The following DNM3 variants were observed in gnomAD, a reference collection of about 807,000 sequenced individuals.
DNM3 encodes the protein dynamin 3.
In DNM3, 47 loss-of-function variants were observed where a neutral mutation model predicts 101.6. The observed-to-expected ratio is 0.46, with a 90% CI of 0.37 to 0.59. The LOEUF (loss-of-function observed/expected upper bound fraction) is 0.59. Among genes scored for constraint, DNM3 ranks in the 20% least tolerant of loss-of-function variants. DNM3 has a pLI of 0.00. For synonymous variants in DNM3, 385 were observed against 387.9 expected (o/e 0.99, Z 0.09); for missense variants, 849 against 1,085.7 (o/e 0.78, Z 3.06).
chr1:172,166,207 A>G (rs1038422049), intron 14 of DNM3, among the ~76,000 whole-genome samples: 7 of 152,182 alleles, frequency 4.6e-5, no homozygotes, highest in East Asian at 1.9e-4. Flanking sequence ...GAAATGCTCA[A>G]TATATGTGTG....
chr1:172,298,699 A>T (rs566027971), intron 15 of DNM3, among the ~76,000 whole-genome samples: 26 of 152,180 alleles, frequency 1.7e-4, no homozygotes, highest in Admixed American at 8.5e-4. Context: ...ATCTTCCCGG[A>T]ATCCCCAGGG....
intron 15 of DNM3, among the ~76,000 whole-genome samples, chr1:172,274,447 G>A (rs539953755): frequency 2.6e-5 from 4 of 152,086 alleles, no homozygotes; most frequent in Non-Finnish European, 5.9e-5. Context: ...TTCTGCCCCA[G>A]AGGGAAAGGA....
At chr1:172,096,532 G>A (rs528875101) in intron 13 of DNM3, among the ~76,000 whole-genome samples, 21 of 152,272 alleles carry the variant, frequency 1.4e-4, no homozygotes, top group Admixed American at 9.8e-4. Context: ...ATTGGATGTC[G>A]GAGAGAGGGC....
chr1:172,407,339 G>A (rs1199263528), intron 20 of DNM3, among the ~76,000 whole-genome samples: 1 of 151,964 alleles, frequency 6.6e-6, no homozygotes, highest in African/African-American at 2.4e-5. Context: ...AAAAGGCAAT[G>A]AGAAGTGATA....
intron 13 of DNM3, among the ~76,000 whole-genome samples, chr1:172,097,397 C>CAA (rs199982004): frequency 6.8e-5 from 9 of 132,922 alleles, no homozygotes; most frequent in Middle Eastern, 3.9e-3. Flanking sequence ...AAGACTGTCT[C>CAA]AAAAAAAAAA....
At chr1:171,995,533 G>A (rs960533419) in intron 4 of DNM3, among the ~76,000 whole-genome samples, 1 of 151,922 alleles carries the variant, frequency 6.6e-6, no homozygotes, top group Admixed American at 6.6e-5. Flanking sequence ...CTGCCTTTAT[G>A]GAGAAGTGGC....
At chr1:172,261,276 G>C (rs776324280) in intron 15 of DNM3, among the ~76,000 whole-genome samples, 14 of 152,144 alleles carry the variant, frequency 9.2e-5, no homozygotes, top group Non-Finnish European at 1.3e-4. Flanking sequence ...TTTTGAAAAG[G>C]AGAACTCTTT....
intron 17 of DNM3, among the ~76,000 whole-genome samples, chr1:172,327,029 A>C (rs1405854501): frequency 1.3e-5 from 2 of 152,188 alleles, no homozygotes; most frequent in East Asian, 1.9e-4. Context: ...TAAAGGAGAA[A>C]TAGAACAGAA....
At chr1:172,384,003 A>C (rs1242011414) in intron 18 of DNM3, among the ~76,000 whole-genome samples, 1 of 152,216 alleles carries the variant, frequency 6.6e-6, no homozygotes, top group African/African-American at 2.4e-5. Context: ...ATCATCTAAA[A>C]GGGATTCACT....
intron 16 of DNM3, 29 bp from the exon 17 acceptor site, chr1:172,323,300 C>A: frequency 6.3e-7 from 1 of 1,580,750 alleles, no homozygotes; most frequent in Non-Finnish European, 8.6e-7. Flanking sequence ...ACATATTTCT[C>A]TTTCTTTTCC....
At chr1:171,848,599 ATGT>A (rs2032518390) in intron 1 of DNM3, among the ~76,000 whole-genome samples, 2 of 152,336 alleles carry the variant, frequency 1.3e-5, no homozygotes, top group Admixed American at 1.3e-4. Context: ...CTAAATGGAA[ATGT>A]TATTATTTAA....
intron 8 of DNM3, 85 bp from the exon 9 acceptor site, chr1:172,044,300 G>A: frequency 8.6e-7 from 1 of 1,163,878 alleles, no homozygotes; most frequent in Non-Finnish European, 1.2e-6. Context: ...TAATAATGAA[G>A]TCAAGTTATT....
At chr1:172,196,380 G>T (rs1013838130) in intron 14 of DNM3, among the ~76,000 whole-genome samples, 8 of 151,978 alleles carry the variant, frequency 5.3e-5, no homozygotes, top group African/African-American at 1.9e-4. Flanking sequence ...GAGTGCATGT[G>T]TCTTTATGGT....
At chr1:172,003,975 C>A (rs376070236) in intron 4 of DNM3, among the ~76,000 whole-genome samples, 3 of 151,998 alleles carry the variant, frequency 2.0e-5, no homozygotes, top group East Asian at 3.9e-4. Context: ...ATTCCCAAAA[C>A]CACTCAGCAG....
intron 11 of DNM3, among the ~76,000 whole-genome samples, chr1:172,072,254 A>T (rs2052255612): frequency 6.6e-6 from 1 of 152,192 alleles, no homozygotes; most frequent in Non-Finnish European, 1.5e-5. Context: ...CTAATCCAAT[A>T]ATGATCACGC....
intron 1 of DNM3, among the ~76,000 whole-genome samples, chr1:171,900,309 G>C (rs990443413): frequency 1.3e-5 from 2 of 152,136 alleles, no homozygotes; most frequent in Non-Finnish European, 2.9e-5. Context: ...GATTGGGGCT[G>C]CAGATTCACG....
downstream of DNM3, among the ~76,000 whole-genome samples, chr1:172,417,380 T>A (rs563381978): frequency 8.5e-5 from 13 of 152,336 alleles, no homozygotes; most frequent in Admixed American, 8.5e-4. Context: ...CTGTATTTTC[T>A]CTAGCTGCAA....
At chr1:171,871,864 G>A (rs201693070) in intron 1 of DNM3, among the ~76,000 whole-genome samples, 2 of 136,448 alleles carry the variant, frequency 1.5e-5, no homozygotes, top group African/African-American at 5.3e-5. Context: ...TTGTTGTCTT[G>A]TTTTTTTTTT....
intron 17 of DNM3, among the ~76,000 whole-genome samples, chr1:172,373,470 C>G (rs1195487359): frequency 6.6e-6 from 1 of 152,098 alleles, no homozygotes; most frequent in African/African-American, 2.4e-5. Flanking sequence ...TCAGGACAAT[C>G]TGATACACTA....
Sources: gnomAD v4.1 joint callset for allele counts (sites outside exome capture counted in the v4.1 genomes callset) on GRCh38, gnomAD v4.1.1 for gene constraint, MANE v1.5 for transcripts, NCBI Gene and HGNC (gene_info 2026-07-23, HGNC 2026-07-21) for gene names.